The following GPR78 variants were observed in gnomAD, a reference collection of about 807,000 sequenced individuals.
The protein encoded by GPR78 is G protein-coupled receptor 78.
Under a neutral mutation model 17.9 loss-of-function variants are expected in GPR78, and 29 were observed. The observed-to-expected ratio is 1.62, with a 90% CI of 1.20 to 2.21. The LOEUF is 2.21. Ranked by LOEUF, GPR78 falls within the 30% of genes most tolerant of loss-of-function variation. The probability of loss-of-function intolerance (pLI) is 0.00; values close to 1 mark genes in which losing one functional copy is unlikely to be tolerated. For missense variants in GPR78, 649 were observed against 530.5 expected (o/e 1.22, Z -2.19); for synonymous variants, 349 against 256.9 (o/e 1.36, Z -3.43).
At chr4:8,586,361 G>A (rs931937328) in intron 2 of GPR78, among the ~76,000 whole-genome samples, 1 of 152,222 alleles carries the variant, frequency 6.6e-6, no homozygotes, top group Non-Finnish European at 1.5e-5. Context: ...TGGGAGTTGT[G>A]TGCCTGGTGG....
rs1713678851 is a variant in GPR78, at chr4:8,589,780, G to A, written c.*2417G>A. Among the ~76,000 whole-genome samples the A allele has an allele frequency of 6.6e-6, 1 of 152,196 alleles. No individual in the cohort carries two copies. The highest frequency in any genetic ancestry group is 2.4e-5 in the African/African-American group (1 of 41,458). On this transcript the variant is annotated 3_prime_UTR_variant, in exon 3 of 3. Transcript: ENST00000382487. ...TTCTTAGAGACGGGGACTGCTTGCT[G>A]TCATGTTTCGCCTTCCTCGGCAGCT...
At chr4:8,584,233 G>A (rs1713409806) in intron 2 of GPR78, among the ~76,000 whole-genome samples, 1 of 152,192 alleles carries the variant, frequency 6.6e-6, no homozygotes, top group Admixed American at 6.5e-5. Flanking sequence ...ATATTATGTT[G>A]ATTCATGGGT....
chr4:8,580,913 T>C lies in GPR78; in HGVS notation c.-70T>C. The C allele has an allele frequency of 7.3e-7, 1 of 1,377,832 alleles. No individual in the cohort carries two copies. Among genetic ancestry groups the C allele is most frequent in the Non-Finnish European group, 9.6e-7 (1 of 1,040,858 alleles). The allele number at this position is 1,377,832 out of a possible 1,614,324, so 85.4% of individuals were successfully genotyped here. A position where few individuals can be genotyped will look rare whatever the true frequency, so the allele number is the denominator to read the frequency against. On this transcript the variant is annotated 5_prime_UTR_variant, in exon 1 of 3. Transcript: ENST00000382487. ...CGCGCCGCTCAGCTGCTCCATCGCCTCACTTTCCCAGGCTCGCGCCCGAAG... is the reference window on the plus strand; with the variant it reads ...CGCGCCGCTCAGCTGCTCCATCGCCCCACTTTCCCAGGCTCGCGCCCGAAG...
In GPR78 at chr4:8,587,146, T is replaced by C. The variant is rs1482472369; in HGVS notation, c.875T>C (p.Phe292Ser). The stretch of plus-strand genomic sequence containing the variant: ...TACAGCAAGGCGGTGGCCGACCCGT[T>C]CACGTACTCTCTGCTCCGCCGGCCG... ...LTYSKAVADPFTYSLLRRPFR... is the reference protein window; with the variant it reads ...LTYSKAVADPSTYSLLRRPFR... The change falls in exon 3 of 3, where the codon TTC becomes TCC. Residue 292 changes from phenylalanine (F) to serine (S), a missense_variant. Phe to Ser is a radical substitution (Grantham distance 155). Coordinates refer to ENST00000382487, the MANE Select transcript of GPR78 (RefSeq NM_080819.5). 6.2e-7 allele frequency: 1 copy of C among 1,613,348 alleles called. No homozygotes were observed. The highest frequency in any genetic ancestry group is 2.2e-5 in the East Asian group (1 of 44,868).
chr4:8,586,162 G>A (rs1378178819), intron 2 of GPR78, among the ~76,000 whole-genome samples: 1 of 152,136 alleles, frequency 6.6e-6, no homozygotes, highest in African/African-American at 2.4e-5. Context: ...CTGGTCAGAA[G>A]CCTTGTCCTG....
Position 8,589,505 on chromosome 4 carries a change from C to T in GPR78, c.*2142C>T, listed in dbSNP as rs1018628671. Among the ~76,000 whole-genome samples, 1 of 152,140 alleles carries T rather than the reference C, an allele frequency of 6.6e-6. No individual in the cohort carries two copies. Among genetic ancestry groups the T allele is most frequent in the African/African-American group, 2.4e-5 (1 of 41,436 alleles). On this transcript the variant is annotated 3_prime_UTR_variant, in exon 3 of 3. Transcript: ENST00000382487. ...GCCCCTGTGCTTATAAGGGAGGGCA[C>T]GTGCACAGCAGAAGCAGGTTGTTCC...
In GPR78 at chr4:8,587,630, T is replaced by C; in HGVS notation, c.*267T>C. Reference sequence around the variant, plus strand: ...CTCTGAACCTTAGCTTCCTCACCCTTGTTCTGGGGTCATGGCGATGCTTCG... The same window carrying C: ...CTCTGAACCTTAGCTTCCTCACCCTCGTTCTGGGGTCATGGCGATGCTTCG... On this transcript the variant is annotated 3_prime_UTR_variant, in exon 3 of 3. Coordinates refer to ENST00000382487, the MANE Select transcript of GPR78 (RefSeq NM_080819.5). 1 of 551,950 alleles carries C rather than the reference T, an allele frequency of 1.8e-6. No homozygotes were observed. Among genetic ancestry groups the C allele is most frequent in the Non-Finnish European group, 3.3e-6 (1 of 307,106 alleles). The allele number at this position is 551,950 out of a possible 1,614,324, so 34.2% of individuals were successfully genotyped here. A position where few individuals can be genotyped will look rare whatever the true frequency, so the allele number is the denominator to read the frequency against.
At chr4:8,582,855 A>C in intron 2 of GPR78, 2 of 537,398 alleles carry the variant, frequency 3.7e-6, no homozygotes, top group East Asian at 3.1e-5. Context: ...TGTCCTATAA[A>C]TGAGGAGACT....
chr4:8,583,471 C>T (rs567088771), intron 2 of GPR78, among the ~76,000 whole-genome samples: 4 of 152,292 alleles, frequency 2.6e-5, no homozygotes, highest in African/African-American at 9.6e-5. Flanking sequence ...CAGGAGGATA[C>T]CCTGAAGGAA....
Position 8,581,333 on chromosome 4 carries a change from C to T in GPR78, c.351C>T (p.Arg117=), listed in dbSNP as rs754074938. ...AVGFPLRYAG[R]LRPRYAGLLL... ...GCTTCCCACTGCGCTACGCCGGACG[C>T]CTGCGACCGCGCTATGCCGGCCTGC... The change falls in exon 1 of 3, where the codon CGC becomes CGT. Residue 117 remains arginine, a synonymous_variant. Transcript: ENST00000382487. The T allele has an allele frequency of 1.9e-6, 3 of 1,576,258 alleles. No individual in the cohort carries two copies. Among genetic ancestry groups the T allele is most frequent in the South Asian group, 2.3e-5 (2 of 87,868 alleles).
At position 8,588,821 on chromosome 4, in the gene GPR78, G is replaced by C. The variant is rs928749668; in HGVS notation, c.*1458G>C. Among the ~76,000 whole-genome samples the C allele has an allele frequency of 2.0e-5, 3 of 152,200 alleles. No homozygotes were observed. The highest frequency in any genetic ancestry group is 7.2e-5 in the African/African-American group (3 of 41,456). On this transcript the variant is annotated 3_prime_UTR_variant, in exon 3 of 3. Coordinates refer to ENST00000382487, the MANE Select transcript of GPR78 (RefSeq NM_080819.5). ...CATTAACGGTGGAGAACCCAGCTGA[G>C]GTGGCTTCACAGATTCTTCCCCAAA... is the stretch of plus-strand genomic sequence containing the variant.
intron 1 of GPR78, among the ~76,000 whole-genome samples, chr4:8,581,918 G>A (rs576561115): frequency 6.6e-6 from 1 of 152,170 alleles, no homozygotes; most frequent in African/African-American, 2.4e-5. Context: ...GGGGTTCCGC[G>A]GGCTCTGCTG....
At chr4:8,586,944 T>C (rs1446985130) in intron 2 of GPR78, 110 bp from the exon 3 acceptor site, 9 of 935,446 alleles carry the variant, frequency 9.6e-6, no homozygotes, top group Non-Finnish European at 1.5e-5. Context: ...CTAGTGAGCA[T>C]CAGGGCTGCG....
In GPR78 at chr4:8,581,151, G is replaced by T. The variant is rs769214889; in HGVS notation, c.169G>T (p.Ala57Ser). 5.0e-6 allele frequency: 8 copies of T among 1,604,312 alleles called. No individual in the cohort carries two copies. Among genetic ancestry groups the T allele is most frequent in the African/African-American group, 1.3e-5 (1 of 74,920 alleles). The change falls in exon 1 of 3, where the codon GCG (alanine) becomes TCG (serine). Residue 57 changes from alanine to serine, a missense_variant. Physicochemically the swap from Ala to Ser is moderately conservative, Grantham distance 99. Coordinates refer to ENST00000382487, the MANE Select transcript of GPR78 (RefSeq NM_080819.5). ...NLSLGHLLLA[A>S]LDMPFTLLGV... ...GTCTCTGGGCCACCTGCTGCTGGCG[G>T]CGCTGGACATGCCCTTCACGCTGCT... is the stretch of plus-strand genomic sequence containing the variant.
In GPR78 at chr4:8,580,757, G is replaced by C. The variant is rs1440225849; in HGVS notation, c.-226G>C. ...ACCGCGGTTGCGCTGCCTCCAGGGC[G>C]GCCCCGGGCTGCTCCTGCTCCGCAG... On this transcript the variant is annotated 5_prime_UTR_variant, in exon 1 of 3. Transcript: ENST00000382487. 6 of 559,684 alleles carry C rather than the reference G, an allele frequency of 1.1e-5. No individual in the cohort carries two copies. Among genetic ancestry groups the C allele is most frequent in the African/African-American group, 4.0e-5 (2 of 50,294 alleles). 34.7% of individuals were successfully genotyped at this position (559,684 alleles called of 1,614,324 possible). A position where few individuals can be genotyped will look rare whatever the true frequency, so the allele number is the denominator to read the frequency against.
chr4:8,589,081 G>T lies in GPR78; in HGVS notation c.*1718G>T, dbSNP rs1401331769. On this transcript the variant is annotated 3_prime_UTR_variant, in exon 3 of 3. Coordinates refer to ENST00000382487, the MANE Select transcript of GPR78 (RefSeq NM_080819.5). ...GATGGCGGTCTCACTTTGTTGCCCA[G>T]GCTGGTCTTGAATTCCTGAGCTTAA... 6.6e-6 allele frequency among the ~76,000 whole-genome samples: 1 copy of T among 151,690 alleles called. No individual in the cohort carries two copies. Among genetic ancestry groups the T allele is most frequent in the Non-Finnish European group, 1.5e-5 (1 of 67,962 alleles).
intron 2 of GPR78, among the ~76,000 whole-genome samples, chr4:8,583,205 T>C (rs1347601403): frequency 6.6e-6 from 1 of 151,572 alleles, no homozygotes; most frequent in Non-Finnish European, 1.5e-5. Flanking sequence ...GGCAGGGGAG[T>C]CTGTAGTTTT....
chr4:8,584,180 TGA>T (rs1362327555), intron 2 of GPR78, among the ~76,000 whole-genome samples: 1 of 152,186 alleles, frequency 6.6e-6, no homozygotes, highest in South Asian at 2.1e-4. Context: ...CATTTAGTTT[TGA>T]AATTTTAAAT....
Position 8,582,537 on chromosome 4 carries a change from G to A in GPR78, c.675G>A (p.Arg225=). The A allele has an allele frequency of 1.9e-6, 3 of 1,605,406 alleles. No homozygotes were observed. The highest frequency in any genetic ancestry group is 1.1e-5 in the South Asian group (1 of 91,038). ...ALLADLHPSV[R]QRCLIQQKRR... ...CTGTCCTCTGTCCCCACAGTGTGCG[G>A]CAGCGCTGCCTCATCCAGCAGAAGC... The change falls in exon 2 of 3, where the codon CGG becomes CGA. Residue 225 remains arginine, a synonymous_variant. Transcript: ENST00000382487.
Sources: gnomAD v4.1 joint callset for allele counts (sites outside exome capture counted in the v4.1 genomes callset) on GRCh38, gnomAD v4.1.1 for gene constraint, MANE v1.5 for transcripts, NCBI Gene and HGNC (gene_info 2026-07-23, HGNC 2026-07-21) for gene names.